DDX60: variants seen among roughly 807,000 people sequenced by gnomAD.
The protein encoded by DDX60 is probable ATP-dependent RNA helicase DDX60.
In DDX60, 165 loss-of-function variants were observed where a neutral mutation model predicts 212.8. The observed-to-expected ratio is 0.78, with a 90% CI of 0.68 to 0.88. DDX60 has a LOEUF of 0.88. Ranked by LOEUF, DDX60 falls within the 40% of genes least tolerant of loss-of-function variation. The pLI is 0.00. For synonymous variants in DDX60, 703 were observed against 685.3 expected (o/e 1.03, Z -0.40); for missense variants, 1,905 against 2,003.9 (o/e 0.95, Z 0.94).
At chr4:168,294,688 G>A (rs2149537995) in intron 6 of DDX60, among the ~76,000 whole-genome samples, 2 of 152,020 alleles carry the variant, frequency 1.3e-5, no homozygotes. Flanking sequence ...TTTTAGTAGA[G>A]ATGGGATTTC....
chr4:168,266,386 T>A (rs950321698), intron 22 of DDX60, among the ~76,000 whole-genome samples: 2 of 152,204 alleles, frequency 1.3e-5, no homozygotes, highest in Non-Finnish European at 2.9e-5. Flanking sequence ...ACAAAATTTG[T>A]CTTCAAAGAG....
At position 168,267,837 on chromosome 4, in the gene DDX60, A is replaced by C; in HGVS notation, c.2929+4T>G. 1 of 1,602,676 alleles carries C rather than the reference A, an allele frequency of 6.2e-7. No homozygotes were observed. Among genetic ancestry groups the C allele is most frequent in the Non-Finnish European group, 8.5e-7 (1 of 1,175,720 alleles). ...CAAGCTTTATATAAATATATCAAACATACCAAGTCTAACTTTATACGATTG... is the reference window on the plus strand; with the variant it reads ...CAAGCTTTATATAAATATATCAAACCTACCAAGTCTAACTTTATACGATTG... On this transcript the variant is annotated splice_donor_region_variant and intron_variant, in intron 21 of 37. Coordinates refer to ENST00000393743, the MANE Select transcript of DDX60 (RefSeq NM_017631.6).
Position 168,280,530 on chromosome 4 carries a change from G to T in DDX60, c.1783C>A (p.Gln595Lys). 3 of 1,613,848 alleles carry T rather than the reference G, an allele frequency of 1.9e-6. No homozygotes were observed. Among genetic ancestry groups the T allele is most frequent in the Non-Finnish European group, 2.5e-6 (3 of 1,179,940 alleles). Residue 595 changes from glutamine (Q) to lysine (K), a missense_variant, in exon 14 of 38, where the codon CAA becomes AAA. Gln to Lys is a moderately conservative substitution (Grantham distance 53). Coordinates refer to ENST00000393743, the MANE Select transcript of DDX60 (RefSeq NM_017631.6). ...GCATTCCACTTTTGCTCTTCCTTTT[G>T]TTCTTCCCTGGCAAATAACCTTTTC... ...NKKRLFAREE[Q>K]KEEQKWNALS...
chr4:168,293,706 G>C (rs1234386279), intron 7 of DDX60, 81 bp downstream of exon 7: 2 of 1,211,172 alleles, frequency 1.7e-6, no homozygotes, highest in Non-Finnish European at 2.3e-6. Context: ...GTACCAAATA[G>C]AGGAAATGAA....
In DDX60 at chr4:168,222,013, G is replaced by A. The variant is rs999677841; in HGVS notation, c.4825-132C>T. ...CCACTCTTCACTGTGAAGTAAGAGG[G>A]TGCCTTAGCCACACATTGTGGTAGC... On this transcript the variant is annotated intron_variant, in intron 35 of 37. Transcript: ENST00000393743. 1.5e-5 allele frequency: 14 copies of A among 944,604 alleles called. No individual in the cohort carries two copies. In the South Asian group the frequency reaches 2.1e-4, roughly 14 times the overall value. The allele number at this position is 944,604 out of a possible 1,614,324, so 58.5% of individuals were successfully genotyped here.
chr4:168,246,035 A>C (rs1734009215), intron 30 of DDX60, among the ~76,000 whole-genome samples: 1 of 152,234 alleles, frequency 6.6e-6, no homozygotes, highest in Non-Finnish European at 1.5e-5. Context: ...TGAAACACTT[A>C]AACCTTTTTG....
chr4:168,325,520 TAAC>T, the DDX60 span, among the ~76,000 whole-genome samples: 3 of 152,328 alleles, frequency 2.0e-5, no homozygotes, highest in Admixed American at 6.5e-5. Context: ...ATTATGTCAA[TAAC>T]AATTTATTTA....
chr4:168,235,288 G>C (rs546886600), intron 33 of DDX60, among the ~76,000 whole-genome samples: 12 of 151,998 alleles, frequency 7.9e-5, no homozygotes, highest in Non-Finnish European at 1.5e-4. Flanking sequence ...TTACAGGCTT[G>C]AGTCACCATG....
chr4:168,280,483 C>T lies in DDX60; in HGVS notation c.1830G>A (p.Glu610=), dbSNP rs772207610. ...KWNALSFSIE[E]QLKENLHSGI... ...CAGAGTGTAAATTTTCTTTCAATTG[C>T]TCTTCAATAGAAAATGACAAAGCAT... The change falls in exon 14 of 38, where the codon GAG becomes GAA. Residue 610 remains glutamate, a synonymous_variant. Coordinates refer to ENST00000393743, the MANE Select transcript of DDX60 (RefSeq NM_017631.6). The T allele has an allele frequency of 1.2e-6, 2 of 1,613,990 alleles. No individual in the cohort carries two copies. Among genetic ancestry groups the T allele is most frequent in the African/African-American group, 1.3e-5 (1 of 74,914 alleles).
chr4:168,236,321 T>A lies in DDX60; in HGVS notation c.4464A>T (p.Ala1488=), dbSNP rs567583596. 3.3e-5 allele frequency: 53 copies of A among 1,610,760 alleles called. No individual in the cohort carries two copies. In the East Asian group the frequency reaches 4.0e-4, roughly 12 times the overall value. ...DVMEKLVLVL[A]HLFGRRYFPP... is the part of the protein sequence containing the mutation. ...GAAAATATCTTCTTCCAAAGAGATG[T>A]GCCAATACTAATACTAGCTTTTCCA... Residue 1488 remains alanine, a synonymous_variant, in exon 33 of 38, where the codon GCA becomes GCT. Transcript: ENST00000393743.
intron 25 of DDX60, among the ~76,000 whole-genome samples, chr4:168,260,009 A>G (rs541465630): frequency 6.6e-6 from 1 of 152,304 alleles, no homozygotes; most frequent in South Asian, 2.1e-4. Context: ...GAAAGAAAAC[A>G]AAAAATAGAG....
chr4:168,316,833 A>G (rs937208755), intron 1 of DDX60, among the ~76,000 whole-genome samples: 5 of 151,870 alleles, frequency 3.3e-5, no homozygotes, highest in Non-Finnish European at 7.4e-5. Context: ...CAAGGCGGGC[A>G]GATCACCTGA....
intron 28 of DDX60, among the ~76,000 whole-genome samples, chr4:168,248,910 C>T (rs1734115604): frequency 6.6e-6 from 1 of 152,120 alleles, no homozygotes; most frequent in East Asian, 1.9e-4. Flanking sequence ...CAGGCACCCA[C>T]CACTACATTC....
chr4:168,223,915 A>G (rs749721758), intron 35 of DDX60, among the ~76,000 whole-genome samples: 13 of 152,054 alleles, frequency 8.5e-5, no homozygotes, highest in Non-Finnish European at 1.5e-4. Context: ...TAGTATTTAC[A>G]GCATTTATAG....
At chr4:168,265,066 G>A (rs935317883) in intron 22 of DDX60, among the ~76,000 whole-genome samples, 4 of 152,152 alleles carry the variant, frequency 2.6e-5, no homozygotes, top group Non-Finnish European at 5.9e-5. Flanking sequence ...TAGCTCTCCA[G>A]GAGTCAGCAG....
intron 10 of DDX60, among the ~76,000 whole-genome samples, chr4:168,285,755 G>T (rs1735799877): frequency 6.6e-6 from 1 of 151,624 alleles, no homozygotes; most frequent in African/African-American, 2.4e-5. Context: ...TATGCATGGG[G>T]GATGGGTGGG....
At chr4:168,269,232 G>A (rs72693143) in intron 19 of DDX60, among the ~76,000 whole-genome samples, 8,021 of 152,138 alleles carry the variant, frequency 0.053, 282 homozygotes, top group South Asian at 0.16. Context: ...TCTCAGCAGC[G>A]TTACCACAAT....
At chr4:168,229,887 T>G (rs1048782447) in intron 33 of DDX60, among the ~76,000 whole-genome samples, 1 of 152,084 alleles carries the variant, frequency 6.6e-6, no homozygotes, top group Non-Finnish European at 1.5e-5. Context: ...TAAAATTGAA[T>G]GTAAATGGCC....
intron 3 of DDX60, among the ~76,000 whole-genome samples, chr4:168,310,593 C>T (rs777673181): frequency 1.2e-4 from 18 of 152,068 alleles, no homozygotes; most frequent in Non-Finnish European, 2.2e-4. Context: ...ACTAGTCCAG[C>T]TACAAGATAG....
Sources: allele counts gnomAD v4.1 joint callset (sites outside exome capture counted in the v4.1 genomes callset), GRCh38; gene constraint gnomAD v4.1.1; transcripts MANE v1.5; gene names NCBI Gene and HGNC (gene_info 2026-07-23, HGNC 2026-07-21).